CEP72: variants seen among roughly 807,000 people sequenced by gnomAD.
CEP72 encodes centrosomal protein of 72 kDa.
Under a neutral mutation model 65.7 loss-of-function variants are expected in CEP72, and 78 were observed. That is an observed-to-expected ratio of 1.19 (90% CI 0.99 to 1.43). The LOEUF (loss-of-function observed/expected upper bound fraction) is 1.43. Ranked by LOEUF, CEP72 falls within the 40% of genes most tolerant of loss-of-function variation. The probability of loss-of-function intolerance (pLI) is 0.00; values close to 1 mark genes in which losing one functional copy is unlikely to be tolerated. For missense variants in CEP72, 914 were observed against 832.9 expected (o/e 1.10, Z -1.20); for synonymous variants, 358 against 351.7 (o/e 1.02, Z -0.20).
chr5:675,520 GTGCAGTGTGGCCGGGGA>G, the CEP72 span, among the ~76,000 whole-genome samples: 11 of 101,492 alleles, frequency 1.1e-4, no homozygotes, highest in Admixed American at 1.1e-3. Context: ...GTGACCAGGG[GTGCAGTGTGGCCGGGGA>G]TGCCGTGTGG....
At chr5:618,543 A>T (rs115938852) in intron 1 of CEP72, among the ~76,000 whole-genome samples, 39 of 152,260 alleles carry the variant, frequency 2.6e-4, no homozygotes, top group African/African-American at 8.9e-4. Context: ...GCCTGGGGCC[A>T]CTGCGCTGGG....
intron 1 of CEP72, among the ~76,000 whole-genome samples, chr5:614,563 C>G (rs1441194152): frequency 6.6e-6 from 1 of 151,260 alleles, no homozygotes; most frequent in Non-Finnish European, 1.5e-5. Context: ...ATTCTCCTGC[C>G]TCAGCCTCCC....
intron 4 of CEP72, chr5:666,120 C>T (rs773375702): frequency 6.8e-7 from 1 of 1,470,326 alleles, no homozygotes; most frequent in South Asian, 1.2e-5. Context: ...GGCAAGACTT[C>T]CCTCTACAGG....
At chr5:633,447 T>G (rs537383189) in intron 4 of CEP72, among the ~76,000 whole-genome samples, 1 of 149,652 alleles carries the variant, frequency 6.7e-6, no homozygotes, top group African/African-American at 2.5e-5. Context: ...CCAGTCCTGG[T>G]GGGGTTCTGT....
chr5:668,446 G>GC (rs1740041539), downstream of CEP72, among the ~76,000 whole-genome samples: 1 of 109,702 alleles, frequency 9.1e-6, no homozygotes, highest in African/African-American at 3.8e-5. Flanking sequence ...TCAGGGAAGT[G>GC]CGGACAAGCA....
At chr5:662,380 C>G (rs964288663) in intron 1 of CEP72, 1 of 152,484 alleles carries the variant, frequency 6.6e-6, no homozygotes, top group Non-Finnish European at 1.5e-5. Flanking sequence ...TTGTCTGAGG[C>G]CAACCAGGGA....
intron 9 of CEP72, chr5:642,830 T>G (rs1438007348): frequency 2.0e-6 from 2 of 985,336 alleles, no homozygotes; most frequent in East Asian, 1.1e-4. Context: ...GGCCCACATC[T>G]GTCACTCCAG....
downstream of CEP72, among the ~76,000 whole-genome samples, chr5:671,248 AGGGGCGGGGGT>A (rs1740213225): frequency 3.2e-5 from 1 of 31,130 alleles, no homozygotes; most frequent in South Asian, 1.1e-3. Flanking sequence ...TTTCCTGGGG[AGGGGCGGGGGT>A]GGGGCGTGTG....
chr5:643,041 C>T (rs895827165), intron 9 of CEP72: 16 of 985,236 alleles, frequency 1.6e-5, no homozygotes, highest in South Asian at 4.7e-5. Flanking sequence ...CTGCACCTGT[C>T]GTGGCCTAGA....
chr5:663,353 G>A (rs1212736337), intron 1 of CEP72: 1 of 152,470 alleles, frequency 6.6e-6, no homozygotes, highest in East Asian at 1.9e-4. Flanking sequence ...CCAGGCCGGT[G>A]AGGTGACATC....
chr5:653,783 T>A (rs1580050075), downstream of CEP72, among the ~76,000 whole-genome samples: 1 of 152,232 alleles, frequency 6.6e-6, no homozygotes, highest in South Asian at 2.1e-4. Context: ...TTGTTTGCAG[T>A]GTAGTTCTGA....
intron 9 of CEP72, chr5:643,117 A>G: frequency 1.0e-6 from 1 of 975,350 alleles, no homozygotes; most frequent in Non-Finnish European, 1.2e-6. Flanking sequence ...TGGGAGGTAG[A>G]GGCAGGAGGC....
chr5:675,561 G>C, the CEP72 span, among the ~76,000 whole-genome samples: 1 of 133,076 alleles, frequency 7.5e-6, no homozygotes, highest in Non-Finnish European at 1.7e-5. Flanking sequence ...GGGGTGCAGT[G>C]TGGCTGGGGG....
chr5:647,678 A>C (rs776671804), intron 10 of CEP72, 127 bp from the exon 11 acceptor site: 1 of 681,032 alleles, frequency 1.5e-6, no homozygotes, highest in Non-Finnish European at 2.5e-6. Flanking sequence ...ATTAATACTG[A>C]TCTTTTCCAG....
intron 9 of CEP72, 89 bp from the exon 10 acceptor site, chr5:644,210 T>G (rs1738261491): frequency 2.1e-6 from 3 of 1,445,334 alleles, no homozygotes; most frequent in Non-Finnish European, 2.9e-6. Flanking sequence ...GAAGGAACCC[T>G]CTGGGGATTC....
At chr5:651,236 CTGAGGCGTGGACTGTGAGGTGTGACTG>C (rs1580040563) in intron 11 of CEP72, among the ~76,000 whole-genome samples, 8 of 30,112 alleles carry the variant, frequency 2.7e-4, no homozygotes, top group Non-Finnish European at 3.2e-4. Flanking sequence ...TGAGGTGTGA[CTGAGGCGTGGACTGTGAGGTGTGACTG>C]TGAGGCGTGG....
chr5:636,841 C>T (rs1245829885), intron 6 of CEP72, among the ~76,000 whole-genome samples: 4 of 151,712 alleles, frequency 2.6e-5, no homozygotes, highest in Non-Finnish European at 4.4e-5. Flanking sequence ...AAAGAGAAAC[C>T]TTGTCTCGCG....
intron 11 of CEP72, 64 bp downstream of exon 11, chr5:647,980 G>A: frequency 8.8e-7 from 1 of 1,132,584 alleles, no homozygotes; most frequent in Non-Finnish European, 1.3e-6. Flanking sequence ...GGGAGGGTTG[G>A]GCCGGACTGG....
intron 1 of CEP72, among the ~76,000 whole-genome samples, chr5:618,723 G>A (rs1486629920): frequency 1.3e-5 from 2 of 152,190 alleles, no homozygotes; most frequent in African/African-American, 4.8e-5. Context: ...TTGCGAAAGA[G>A]AGGCCAGGGT....
Sources: gnomAD v4.1 joint callset for allele counts (sites outside exome capture counted in the v4.1 genomes callset) on GRCh38, gnomAD v4.1.1 for gene constraint, MANE v1.5 for transcripts, NCBI Gene and HGNC (gene_info 2026-07-23, HGNC 2026-07-21) for gene names.